SPAG17: variants seen among roughly 807,000 people sequenced by gnomAD.
SPAG17 encodes the protein sperm associated antigen 17, also known as sperm-associated antigen 17.
SPAG17 carries 169 observed loss-of-function variants against 273.6 expected under a neutral mutation model. That is an observed-to-expected ratio of 0.62 (90% CI 0.55 to 0.70). The LOEUF (loss-of-function observed/expected upper bound fraction) is 0.70, where lower values mean the gene tolerates loss of function less well. Among genes scored for constraint, SPAG17 ranks in the 30% least tolerant of loss-of-function variants. The probability of loss-of-function intolerance (pLI) is 0.00; values close to 1 mark genes in which losing one functional copy is unlikely to be tolerated. For synonymous variants in SPAG17, 825 were observed against 873.2 expected, an observed-to-expected ratio of 0.94 and a Z score of 0.97; for missense variants, 2,557 against 2,627.8, an observed-to-expected ratio of 0.97 and a Z score of 0.59.
chr1:117,976,945 T>A (rs567861498), intron 43 of SPAG17, among the ~76,000 whole-genome samples: 1 of 152,156 alleles, frequency 6.6e-6, no homozygotes, highest in African/African-American at 2.4e-5. Flanking sequence ...ATAAAAACTC[T>A]CTTATTTACT....
intron 40 of SPAG17, 51 bp from the exon 41 acceptor site, chr1:117,984,833 GTGT>G: frequency 8.2e-7 from 1 of 1,216,264 alleles, no homozygotes; most frequent in Admixed American, 1.8e-5. Flanking sequence ...ATATTTTAAA[GTGT>G]TGTTTGTTTG....
chr1:118,068,033 T>C (rs1012566340), intron 17 of SPAG17, among the ~76,000 whole-genome samples: 1 of 152,116 alleles, frequency 6.6e-6, no homozygotes, highest in African/African-American at 2.4e-5. Context: ...AAATTGTCAA[T>C]AGGAAAAATA....
At chr1:118,107,712 A>C (rs1257548151) in intron 4 of SPAG17, among the ~76,000 whole-genome samples, 3 of 152,136 alleles carry the variant, frequency 2.0e-5, no homozygotes, top group Non-Finnish European at 4.4e-5. Context: ...TCTGTAAATA[A>C]CTTTTTCTTA....
chr1:118,126,201 T>TC lies in SPAG17; in HGVS notation c.316-10761dup, dbSNP rs1429397115. Among the ~76,000 whole-genome samples the TC allele has an allele frequency of 4.8e-3, 633 of 133,092 alleles. 9 individuals are homozygous for TC. The highest frequency in any genetic ancestry group is 0.016 in the African/African-American group (590 of 37,690). The allele number at this position is 133,092 out of a possible 152,430, so 87.3% of individuals were successfully genotyped here. The stretch of plus-strand genomic sequence containing the variant: ...GAGAAATGTCTACTCAGATCCTTTA[T>TC]CCTTTTTTTTTTTTTTTTTTTTGAG... On this transcript the variant is annotated intron_variant, in intron 3 of 48. Coordinates refer to ENST00000336338, the MANE Select transcript of SPAG17 (RefSeq NM_206996.4).
At position 118,118,316 on chromosome 1, in the gene SPAG17, T is replaced by C. The variant is rs141331679; in HGVS notation, c.316-2875A>G. Among the ~76,000 whole-genome samples, 551 of 152,280 alleles carry C rather than the reference T, an allele frequency of 3.6e-3. 2 individuals carry two copies. The highest frequency in any genetic ancestry group is 0.017 in the Middle Eastern group (5 of 294). On this transcript the variant is annotated intron_variant, in intron 3 of 48. Coordinates refer to ENST00000336338, the MANE Select transcript of SPAG17 (RefSeq NM_206996.4). ...CAAAATAAGTGTGCGTACCTGTGCA[T>C]ATGTGTGTGCACTGGGGGGTAAGCT...
intron 6 of SPAG17, among the ~76,000 whole-genome samples, chr1:118,098,423 T>C (rs954652554): frequency 6.6e-6 from 1 of 152,106 alleles, no homozygotes; most frequent in Non-Finnish European, 1.5e-5. Context: ...GAAATATTTA[T>C]GCTTATTACA....
chr1:117,975,894 CT>C (rs1203892889), intron 43 of SPAG17, among the ~76,000 whole-genome samples: 5 of 152,100 alleles, frequency 3.3e-5, no homozygotes, highest in African/African-American at 9.7e-5. Flanking sequence ...GTTGCTCATA[CT>C]ATTATTATTA....
Position 117,953,951 on chromosome 1 carries a change from G to A in SPAG17, c.*99C>T. The A allele has an allele frequency of 6.8e-7, 1 of 1,465,536 alleles. No homozygotes were observed. The highest frequency in any genetic ancestry group is 9.4e-7 in the Non-Finnish European group (1 of 1,066,074). The allele number at this position is 1,465,536 out of a possible 1,614,324, so 90.8% of individuals were successfully genotyped here. On this transcript the variant is annotated 3_prime_UTR_variant, in exon 49 of 49. Coordinates refer to ENST00000336338, the MANE Select transcript of SPAG17 (RefSeq NM_206996.4). ...TCTGGTCAGTTCTTCCAGTTTCAGT[G>A]TCCTGGGATGATGGAGTATGTTGTG...
chr1:117,955,132 G>A (rs1651979961), intron 48 of SPAG17: 2 of 481,938 alleles, frequency 4.1e-6, no homozygotes, highest in Non-Finnish European at 7.3e-6. Flanking sequence ...TAGTTGGTAA[G>A]GGGCAGAGTT....
chr1:118,159,506 A>G (rs1350962475), intron 1 of SPAG17, among the ~76,000 whole-genome samples: 1 of 152,194 alleles, frequency 6.6e-6, no homozygotes, highest in Non-Finnish European at 1.5e-5. Context: ...TCCTTTTGTA[A>G]ATTTGTTGAG....
chr1:118,061,843 A>T (rs1571377405), intron 18 of SPAG17, among the ~76,000 whole-genome samples: 1 of 152,344 alleles, frequency 6.6e-6, no homozygotes, highest in East Asian at 1.9e-4. Context: ...CAAACAACAT[A>T]GCATATAACT....
At chr1:118,123,780 A>G (rs1383388426) in intron 3 of SPAG17, among the ~76,000 whole-genome samples, 3 of 152,236 alleles carry the variant, frequency 2.0e-5, no homozygotes, top group Non-Finnish European at 4.4e-5. Context: ...CCCTTTCAAG[A>G]CTACATAAAA....
chr1:117,954,693 A>C, intron 48 of SPAG17: 1 of 1,498,226 alleles, frequency 6.7e-7, no homozygotes, highest in Non-Finnish European at 9.2e-7. Flanking sequence ...CAAGAAAGGA[A>C]GTAGAGGCAT....
At chr1:118,081,377 A>AAT (rs768921148) in intron 14 of SPAG17, 38 bp downstream of exon 14, 1 of 1,612,198 alleles carries the variant, frequency 6.2e-7, no homozygotes, top group Non-Finnish European at 8.5e-7. Flanking sequence ...ACGATCATAA[A>AAT]ATACAAGAAT....
intron 43 of SPAG17, among the ~76,000 whole-genome samples, chr1:117,974,829 C>T (rs1654963769): frequency 6.6e-6 from 1 of 152,126 alleles, no homozygotes; most frequent in Non-Finnish European, 1.5e-5. Flanking sequence ...AGGAAGGGGA[C>T]TAATATTTGA....
In SPAG17 at chr1:118,012,370, A is replaced by G; in HGVS notation, c.4290T>C (p.Val1430=). The change falls in exon 30 of 49, where the codon GTT becomes GTC. Residue 1430 remains valine (V), a splice_region_variant and synonymous_variant. Coordinates refer to ENST00000336338, the MANE Select transcript of SPAG17 (RefSeq NM_206996.4). ...FQATDPVNGT[V]MTTREDKVVI... The stretch of plus-strand genomic sequence containing the variant: ...CAACTTTGTCTTCTCGAGTTGTCAT[A>G]ACCTGAACATGAAGAGGCAGGACAT... The G allele has an allele frequency of 6.2e-7, 1 of 1,612,932 alleles. No individual in the cohort carries two copies. Among genetic ancestry groups the G allele is most frequent in the Non-Finnish European group, 8.5e-7 (1 of 1,179,422 alleles).
intron 3 of SPAG17, among the ~76,000 whole-genome samples, chr1:118,144,024 C>T (rs1348968954): frequency 2.6e-5 from 4 of 152,232 alleles, no homozygotes; most frequent in Non-Finnish European, 5.9e-5. Flanking sequence ...TACCTCCCCT[C>T]TCCTGGACTG....
At chr1:118,095,125 G>A (rs1168693134) in intron 7 of SPAG17, among the ~76,000 whole-genome samples, 3 of 152,222 alleles carry the variant, frequency 2.0e-5, no homozygotes, top group East Asian at 3.9e-4. Context: ...CATTTAAACT[G>A]TTCCATTCTG....
intron 44 of SPAG17, 61 bp downstream of exon 44, chr1:117,973,359 TAAAAA>T: frequency 6.4e-7 from 1 of 1,563,482 alleles, no homozygotes; most frequent in Non-Finnish European, 8.7e-7. Context: ...TTGAAAAAAA[TAAAAA>T]ATAAAGAATT....
Sources: gnomAD v4.1 joint callset for allele counts (sites outside exome capture counted in the v4.1 genomes callset) on GRCh38, gnomAD v4.1.1 for gene constraint, MANE v1.5 for transcripts, NCBI Gene and HGNC (gene_info 2026-07-23, HGNC 2026-07-21) for gene names.